TUBB6: variants seen among roughly 807,000 people sequenced by gnomAD.
The protein encoded by TUBB6 is tubulin beta 6 class V.
A neutral mutation model predicts 32.3 loss-of-function variants in TUBB6; 18 were observed. The ratio of observed to expected loss-of-function variants is 0.56; its 90% confidence interval spans 0.39 to 0.83. The LOEUF (loss-of-function observed/expected upper bound fraction) is 0.83. Ranked by LOEUF, TUBB6 falls within the 40% of genes least tolerant of loss-of-function variation. The pLI is 0.00. For missense variants in TUBB6, 480 were observed against 632.0 expected (o/e 0.76, Z 2.58); for synonymous variants, 280 against 265.8 (o/e 1.05, Z -0.52).
At chr18:12,308,605 G>C (rs979075123) in intron 1 of TUBB6, 82 bp from the exon 2 acceptor site, 1 of 1,091,780 alleles carries the variant, frequency 9.2e-7, no homozygotes. Context: ...TTCGGCCGCC[G>C]GGGCGCCTGG....
rs1907326799 is a variant in TUBB6, at chr18:12,326,305, C to G, written c.*175C>G. Reference sequence around the variant, plus strand: ...CATCTGGAACAAAGACTAAAAACAGCAGAGAATTGCGGGTTCTACCCAGTC... The same window carrying G: ...CATCTGGAACAAAGACTAAAAACAGGAGAGAATTGCGGGTTCTACCCAGTC... On this transcript the variant is annotated 3_prime_UTR_variant, in exon 4 of 4. Coordinates refer to ENST00000317702, the MANE Select transcript of TUBB6 (RefSeq NM_032525.3). The G allele has an allele frequency of 2.0e-6, 2 of 1,000,508 alleles. No individual in the cohort carries two copies. The highest frequency in any genetic ancestry group is 2.9e-5 in the Admixed American group (1 of 33,998). The allele number at this position is 1,000,508 out of a possible 1,614,324, so 62.0% of individuals were successfully genotyped here. A position where few individuals can be genotyped will look rare whatever the true frequency, so the allele number is the denominator to read the frequency against.
At chr18:12,318,423 G>A (rs1906788903) in intron 3 of TUBB6, among the ~76,000 whole-genome samples, 1 of 149,090 alleles carries the variant, frequency 6.7e-6, no homozygotes, top group African/African-American at 2.5e-5. Flanking sequence ...ACTAGATGCT[G>A]TCTACGGCTT....
intron 2 of TUBB6, among the ~76,000 whole-genome samples, chr18:12,309,943 C>T (rs917227652): frequency 1.7e-4 from 25 of 150,886 alleles, no homozygotes; most frequent in African/African-American, 6.1e-4. Flanking sequence ...GGAGGTGTCA[C>T]AAAGCAGAGA....
chr18:12,312,292 CA>C (rs35194790), intron 3 of TUBB6, among the ~76,000 whole-genome samples: 1 of 150,760 alleles, frequency 6.6e-6, no homozygotes, highest in Non-Finnish European at 1.5e-5. Flanking sequence ...CTTAGAATAT[CA>C]AATGTAGTTG....
At chr18:12,312,720 C>A (rs1208357863) in intron 3 of TUBB6, among the ~76,000 whole-genome samples, 4 of 149,074 alleles carry the variant, frequency 2.7e-5, no homozygotes, top group African/African-American at 9.7e-5. Context: ...GTTTTGGAAG[C>A]CAGGAGCAGT....
chr18:12,329,539 G>A, downstream of TUBB6: 1 of 1,606,280 alleles, frequency 6.2e-7, no homozygotes, highest in Non-Finnish European at 8.5e-7. Context: ...ACAGTGGACA[G>A]ACTGAGATGG....
intron 3 of TUBB6, among the ~76,000 whole-genome samples, chr18:12,321,208 G>A (rs1316548104): frequency 6.6e-6 from 1 of 152,128 alleles, no homozygotes; most frequent in East Asian, 1.9e-4. Context: ...TCCTTTATAT[G>A]TGATATGAGT....
chr18:12,321,996 G>C (rs1034905009), intron 3 of TUBB6, among the ~76,000 whole-genome samples: 6 of 152,090 alleles, frequency 3.9e-5, no homozygotes, highest in African/African-American at 1.2e-4. Flanking sequence ...TTCCAATTCT[G>C]CTTTCTTCAA....
chr18:12,312,999 C>CAAAAAAAAAAAAAAAAAAAAAAAAAAA, intron 3 of TUBB6, among the ~76,000 whole-genome samples: 1 of 106,572 alleles, frequency 9.4e-6, no homozygotes, highest in Non-Finnish European at 1.7e-5. Flanking sequence ...AATTCTATCT[C>CAAAAAAAAAAAAAAAAAAAAAAAAAAA]AAAAAAAAAA....
At chr18:12,329,655 C>T (rs1242888595), downstream of TUBB6, 7 of 1,614,144 alleles carry the variant, frequency 4.3e-6, no homozygotes, top group South Asian at 7.7e-5. Context: ...GTGAGGTGTC[C>T]TCATCCAAGC....
At chr18:12,329,664 G>C (rs769883388), downstream of TUBB6, 1 of 1,614,166 alleles carries the variant, frequency 6.2e-7, no homozygotes, top group South Asian at 1.1e-5. Context: ...CCTCATCCAA[G>C]CTGCCAGTGC....
At chr18:12,327,369 G>A (rs78382289), downstream of TUBB6, among the ~76,000 whole-genome samples, 4,742 of 152,246 alleles carry the variant, frequency 0.031, 115 homozygotes, top group Non-Finnish European at 0.044. Flanking sequence ...TTAGGGTTAG[G>A]GTTCCCCACA....
In TUBB6 at chr18:12,325,285, AC is replaced by A. The variant is rs1372573703; in HGVS notation, c.498del (p.Phe167SerfsTer49). The A allele has an allele frequency of 6.2e-7, 1 of 1,614,056 alleles. No homozygotes were observed. The highest frequency in any genetic ancestry group is 8.5e-7 in the Non-Finnish European group (1 of 1,180,030). ...GGAGTTCCCGGACCGCATCATGAAC[AC>A]CTTCAGCGTCATGCCCTCGCCCAAG... The part of the protein sequence containing the change: ...REEFPDRIMN[T>X]FSVMPSPKVS... On this transcript the variant is annotated frameshift_variant, in exon 4 of 4. Transcript: ENST00000317702. LOFTEE classifies it high-confidence loss of function.
rs572612858 is a variant in TUBB6 at position 12,318,644 on chromosome 18, G to A, written c.278-6423G>A. ...GCTGATTTCTCAGTGGGACTGAGAC[G>A]GAGATCTAGGGAGGCTGATGCTGCA... is the stretch of plus-strand genomic sequence containing the variant. On this transcript the variant is annotated intron_variant, in intron 3 of 3. Coordinates refer to ENST00000317702, the MANE Select transcript of TUBB6 (RefSeq NM_032525.3). 1.0e-3 allele frequency among the ~76,000 whole-genome samples: 156 copies of A among 152,230 alleles called. 1 individual carries two copies. The highest frequency in any genetic ancestry group is 3.3e-3 in the African/African-American group (135 of 41,522).
At chr18:12,308,226 G>T, upstream of TUBB6, 1 of 1,220,370 alleles carries the variant, frequency 8.2e-7, no homozygotes, top group East Asian at 4.0e-5. Context: ...CCCGGGACGC[G>T]CGCAGCCGGC....
rs1450227318 is a variant in TUBB6, at chr18:12,325,126, G to A, written c.337G>A (p.Val113Met). 1.9e-6 allele frequency: 3 copies of A among 1,606,268 alleles called. No homozygotes were observed. Among genetic ancestry groups the A allele is most frequent in the South Asian group, 2.2e-5 (2 of 90,036 alleles). Reference sequence around the variant, plus strand: ...GCACTACACGGAGGGCGCGGAGCTGGTGGACGCAGTGCTGGACGTGGTGCG... The same window carrying A: ...GCACTACACGGAGGGCGCGGAGCTGATGGACGCAGTGCTGGACGTGGTGCG... The part of the protein sequence containing the change: ...KGHYTEGAEL[V>M]DAVLDVVRKE... The change falls in exon 4 of 4, where the codon GTG (valine) becomes ATG (methionine). Residue 113 changes from valine to methionine, a missense_variant. Val to Met is a conservative substitution (Grantham distance 21). Transcript: ENST00000317702.
chr18:12,308,196 C>A (rs1016325935), upstream of TUBB6: 73 of 835,858 alleles, frequency 8.7e-5, no homozygotes, highest in Non-Finnish European at 1.0e-4. Flanking sequence ...GGGGCGGGGG[C>A]GGGGGCGCGG....
intron 3 of TUBB6, among the ~76,000 whole-genome samples, chr18:12,313,672 G>C (rs1371497181): frequency 6.6e-6 from 1 of 152,252 alleles, no homozygotes; most frequent in Non-Finnish European, 1.5e-5. Context: ...AGATTGGCCA[G>C]TATTTCAGAA....
At chr18:12,327,753 G>A (rs7504974), downstream of TUBB6, among the ~76,000 whole-genome samples, 34,461 of 152,084 alleles carry the variant, frequency 0.23, 4,178 homozygotes, top group East Asian at 0.37. Flanking sequence ...CACCTCACCA[G>A]AAACATGGGT....
Sources: allele counts gnomAD v4.1 joint callset (sites outside exome capture counted in the v4.1 genomes callset), GRCh38; gene constraint gnomAD v4.1.1; transcripts MANE v1.5; gene names NCBI Gene and HGNC (gene_info 2026-07-23, HGNC 2026-07-21).